The following CDH12 variants were observed in gnomAD, a reference collection of about 807,000 sequenced individuals.
CDH12 encodes cadherin-12.
CDH12 carries 41 observed loss-of-function variants against 74.1 expected under a neutral mutation model. The observed-to-expected ratio is 0.55, with a 90% CI of 0.43 to 0.72. The LOEUF (loss-of-function observed/expected upper bound fraction) is 0.72, where lower values mean the gene tolerates loss of function less well. Among genes scored for constraint, CDH12 ranks in the 30% least tolerant of loss-of-function variants. The pLI is 0.00. For synonymous variants in CDH12, 399 were observed against 355.0 expected (o/e 1.12, Z -1.39); for missense variants, 945 against 977.2 (o/e 0.97, Z 0.44).
intron 1 of CDH12, among the ~76,000 whole-genome samples, chr5:22,600,317 C>A (rs1736797839): frequency 6.6e-6 from 1 of 152,122 alleles, no homozygotes; most frequent in Non-Finnish European, 1.5e-5. Flanking sequence ...CAGTTCCTTC[C>A]ATTTGATTCC....
Position 21,967,036 on chromosome 5 carries a change from G to A in CDH12, c.526+8055C>T, listed in dbSNP as rs574884386. Among the ~76,000 whole-genome samples the A allele has an allele frequency of 4.9e-3, 742 of 152,030 alleles. 4 individuals are homozygous for A. The highest frequency in any genetic ancestry group is 0.017 in the African/African-American group (704 of 41,454). On this transcript the variant is annotated intron_variant, in intron 6 of 14. Transcript: ENST00000382254. ...GAATCAGTGGGTATAATTCATCAGT[G>A]TCTGGTTGCTTCAAGTTATTTTTCT...
In CDH12 at chr5:22,496,879, G is replaced by C. The variant is rs535243827; in HGVS notation, c.-428+8391C>G. ...TCCCATGCCCCCGAGCCTAGTTCTT[G>C]GATATCTATTCTCGTCTGAACTTGT... is the stretch of plus-strand genomic sequence containing the variant. On this transcript the variant is annotated intron_variant, in intron 2 of 14. Transcript: ENST00000382254. Among the ~76,000 whole-genome samples the C allele has an allele frequency of 5.3e-5, 8 of 152,116 alleles. No individual in the cohort carries two copies. The South Asian group carries it at 1.7e-3, about 32-fold the overall frequency.
chr5:21,851,374 A>C (rs1054160177), intron 7 of CDH12, among the ~76,000 whole-genome samples: 1 of 150,902 alleles, frequency 6.6e-6, no homozygotes, highest in Non-Finnish European at 1.5e-5. Context: ...TCAATCACTG[A>C]ATTAAATATT....
At position 22,727,852 on chromosome 5, in the gene CDH12, T is replaced by C. The variant is rs142964571; in HGVS notation, c.-523+125206A>G. 1.7e-4 allele frequency among the ~76,000 whole-genome samples: 26 copies of C among 151,852 alleles called. No individual in the cohort carries two copies. In the East Asian group the frequency reaches 4.3e-3, roughly 25 times the overall value. The stretch of plus-strand genomic sequence containing the variant: ...TGAGTGTAGTGTATCATTTTTCTTA[T>C]GGAGGTTTTCGTTTATTTTACTTTT... On this transcript the variant is annotated intron_variant, in intron 1 of 14. Transcript: ENST00000382254.
chr5:22,327,234 T>C (rs1739150125), intron 3 of CDH12, among the ~76,000 whole-genome samples: 1 of 152,168 alleles, frequency 6.6e-6, no homozygotes, highest in African/African-American at 2.4e-5. Context: ...CAACATGTAA[T>C]GTCTTCAGAC....
intron 1 of CDH12, among the ~76,000 whole-genome samples, chr5:22,612,059 T>C (rs1737431540): frequency 6.6e-6 from 1 of 152,294 alleles, no homozygotes; most frequent in South Asian, 2.1e-4. Flanking sequence ...ATGTATAAAA[T>C]ACTTTAATAT....
intron 4 of CDH12, among the ~76,000 whole-genome samples, chr5:22,201,400 A>C (rs549772220): frequency 1.4e-4 from 22 of 152,288 alleles, no homozygotes; most frequent in African/African-American, 4.8e-4. Flanking sequence ...GGAGGCCATT[A>C]TCTTACGTGA....
chr5:22,500,167 A>G (rs986222683), intron 2 of CDH12, among the ~76,000 whole-genome samples: 5 of 152,190 alleles, frequency 3.3e-5, no homozygotes, highest in African/African-American at 1.2e-4. Context: ...TAAAGTTTCT[A>G]TCTTCAACAC....
At chr5:22,027,158 T>C (rs1330612414) in intron 5 of CDH12, among the ~76,000 whole-genome samples, 6 of 152,278 alleles carry the variant, frequency 3.9e-5, no homozygotes, top group African/African-American at 4.8e-5. Context: ...ATCCCAGGGA[T>C]GAAGCCCACT....
At chr5:22,179,920 A>G (rs972030332) in intron 4 of CDH12, among the ~76,000 whole-genome samples, 2 of 152,208 alleles carry the variant, frequency 1.3e-5, no homozygotes, top group Non-Finnish European at 2.9e-5. Flanking sequence ...AGAGGAAGCC[A>G]CTAACACATG....
intron 2 of CDH12, among the ~76,000 whole-genome samples, chr5:22,433,546 G>T (rs1365106883): frequency 1.3e-5 from 2 of 151,664 alleles, no homozygotes; most frequent in Admixed American, 1.3e-4. Context: ...AAAATTAGTA[G>T]AATAAAATTT....
rs552852967 is a variant in CDH12, at chr5:22,029,361, C to T, written c.231+49085G>A. ...TGGGAGAACATTTTTGCAACCTACT[C>T]ATCTGACAAAGGGCTAATATCCAGA... On this transcript the variant is annotated intron_variant, in intron 5 of 14. Coordinates refer to ENST00000382254, the MANE Select transcript of CDH12 (RefSeq NM_004061.5). 5.4e-4 allele frequency among the ~76,000 whole-genome samples: 82 copies of T among 152,220 alleles called. No homozygotes were observed. In the South Asian group the frequency reaches 0.016, roughly 30 times the overall value.
chr5:22,789,594 A>C (rs906948265), intron 1 of CDH12, among the ~76,000 whole-genome samples: 2 of 152,098 alleles, frequency 1.3e-5, no homozygotes, highest in Non-Finnish European at 2.9e-5. Flanking sequence ...TATATTTCTC[A>C]TAAAAGTGTC....
chr5:22,497,796 C>A (rs1176603623), intron 2 of CDH12, among the ~76,000 whole-genome samples: 4 of 151,828 alleles, frequency 2.6e-5, no homozygotes, highest in East Asian at 1.9e-4. Flanking sequence ...ACATGTGCGT[C>A]CACACCGGGA....
intron 8 of CDH12, among the ~76,000 whole-genome samples, chr5:21,828,449 G>A (rs1188234897): frequency 6.6e-6 from 1 of 152,040 alleles, no homozygotes; most frequent in Non-Finnish European, 1.5e-5. Flanking sequence ...TAAGTTAGCT[G>A]GGGATATGTA....
chr5:22,090,388 T>C (rs1743336926), intron 4 of CDH12, among the ~76,000 whole-genome samples: 1 of 151,130 alleles, frequency 6.6e-6, no homozygotes, highest in Non-Finnish European at 1.5e-5. Context: ...AATTAGCAAT[T>C]TCAAAAACTT....
chr5:22,588,333 T>C (rs1007051248), intron 1 of CDH12, among the ~76,000 whole-genome samples: 6 of 152,216 alleles, frequency 3.9e-5, no homozygotes, highest in South Asian at 2.1e-4. Context: ...CCACATAGAC[T>C]AGTAAATTGG....
chr5:22,350,447 A>G (rs1318149361), intron 3 of CDH12, among the ~76,000 whole-genome samples: 1 of 152,330 alleles, frequency 6.6e-6, no homozygotes, highest in African/African-American at 2.4e-5. Flanking sequence ...AGGAAAAGTT[A>G]TTGAAGGAAA....
At position 21,918,958 on chromosome 5, in the gene CDH12, A is replaced by C. The variant is rs150027884; in HGVS notation, c.526+56133T>G. On this transcript the variant is annotated intron_variant, in intron 6 of 14. Coordinates refer to ENST00000382254, the MANE Select transcript of CDH12 (RefSeq NM_004061.5). ...TTTACAAAGTCATATTGACAGAGAC[A>C]CATCTAAATTAGATGCTTGAAAAGT... Among the ~76,000 whole-genome samples, 784 of 152,330 alleles carry C rather than the reference A, an allele frequency of 5.1e-3. 5 individuals are homozygous for C. Among genetic ancestry groups the C allele is most frequent in the African/African-American group, 0.018 (734 of 41,580 alleles).
Sources: allele counts gnomAD v4.1 joint callset (sites outside exome capture counted in the v4.1 genomes callset), GRCh38; gene constraint gnomAD v4.1.1; transcripts MANE v1.5; gene names NCBI Gene and HGNC (gene_info 2026-07-23, HGNC 2026-07-21).